Variants in LRP6 observed in about 807,000 individuals in gnomAD.
LRP6 encodes LDL receptor related protein 6.
LRP6 carries 43 observed loss-of-function variants against 184.1 expected under a neutral mutation model. The ratio of observed to expected loss-of-function variants is 0.23; its 90% CI spans 0.18 to 0.30. The LOEUF is 0.30. Among genes scored for constraint, LRP6 ranks in the 10% least tolerant of loss-of-function variants. LRP6 has a pLI of 1.00. For missense variants in LRP6, 1,571 were observed against 2,005.3 expected, an observed-to-expected ratio of 0.78 and a Z score of 4.14; for synonymous variants, 719 against 684.9, an observed-to-expected ratio of 1.05 and a Z score of -0.78.
chr12:12,199,236 A>G (rs1336171507), intron 3 of LRP6, among the ~76,000 whole-genome samples: 1 of 152,218 alleles, frequency 6.6e-6, no homozygotes, highest in Non-Finnish European at 1.5e-5. Flanking sequence ...GCATGAACAC[A>G]TATTATAAAA....
At chr12:12,141,172 T>C (rs930057957) in intron 15 of LRP6, among the ~76,000 whole-genome samples, 1 of 138,256 alleles carries the variant, frequency 7.2e-6, no homozygotes, top group Non-Finnish European at 1.5e-5. Context: ...AAGGGAATGA[T>C]GAGAAAGGGG....
rs542659386 is a variant in LRP6, at chr12:12,177,089, ACCC to A, written c.1545+2718_1545+2720del. On this transcript the variant is annotated intron_variant, in intron 7 of 22. Coordinates refer to ENST00000261349, the MANE Select transcript of LRP6 (RefSeq NM_002336.3). ...TCTCGAACTCCTGACCTCATGATCC[ACCC>A]ACCTCGGCCTCCCAAAGTACTGGGA... is the stretch of plus-strand genomic sequence containing the variant. Among the ~76,000 whole-genome samples the A allele has an allele frequency of 3.9e-4, 59 of 151,982 alleles. No homozygotes were observed. The East Asian group carries it at 8.1e-3, about 21-fold the overall frequency.
At chr12:12,204,792 C>A (rs1275212282) in intron 2 of LRP6, among the ~76,000 whole-genome samples, 1 of 143,884 alleles carries the variant, frequency 7.0e-6, no homozygotes, top group Admixed American at 7.0e-5. Flanking sequence ...CCCATCTCTA[C>A]TAAAAATACA....
At chr12:12,122,757 G>A (rs575363422) in intron 22 of LRP6, among the ~76,000 whole-genome samples, 17 of 152,198 alleles carry the variant, frequency 1.1e-4, no homozygotes, top group African/African-American at 3.6e-4. Flanking sequence ...GCTTGAGCCC[G>A]GGAGGTGGAG....
rs909410399 is a variant in LRP6 at position 12,159,094 on chromosome 12, T to A, written c.2526A>T (p.Gln842His). The A allele has an allele frequency of 6.2e-7, 1 of 1,614,176 alleles. No individual in the cohort carries two copies. The change falls in exon 12 of 23, where the codon CAA (glutamine) becomes CAT (histidine). Residue 842 changes from glutamine (Q) to histidine (H), a missense_variant. By Grantham distance (24) the Gln-to-His change is conservative. Transcript: ENST00000261349. ...TCCAGTCCGTCCAGTAGATATAATC[T>A]TGGTACTGAGTTAAGCCAAAAGGAT... ...LPHPFGLTQY[Q>H]DYIYWTDWSR... is the part of the protein sequence containing the mutation.
chr12:12,151,478 GAAAA>G (rs200629196), intron 12 of LRP6, among the ~76,000 whole-genome samples: 4 of 94,550 alleles, frequency 4.2e-5, no homozygotes, highest in African/African-American at 1.6e-4. Flanking sequence ...CCCATCTAAG[GAAAA>G]AAAAAAAAAA....
At chr12:12,153,746 C>T (rs1490102255) in intron 12 of LRP6, among the ~76,000 whole-genome samples, 1 of 152,178 alleles carries the variant, frequency 6.6e-6, no homozygotes, top group Non-Finnish European at 1.5e-5. Flanking sequence ...GGTGCTTTAA[C>T]AACGACCTCA....
intron 3 of LRP6, among the ~76,000 whole-genome samples, chr12:12,192,496 A>G (rs1863643913): frequency 6.6e-6 from 1 of 152,018 alleles, no homozygotes; most frequent in Non-Finnish European, 1.5e-5. Flanking sequence ...TGAATAAAGC[A>G]AAGGTTACAC....
At chr12:12,147,270 A>C (rs1950021807) in intron 15 of LRP6, 96 bp downstream of exon 15, 1 of 1,406,362 alleles carries the variant, frequency 7.1e-7, no homozygotes, top group African/African-American at 1.4e-5. Flanking sequence ...AAAACTGCCA[A>C]GAAATGTGCC....
intron 2 of LRP6, among the ~76,000 whole-genome samples, chr12:12,229,378 AAAAAAAAAAGAAG>A (rs889487259): frequency 1.3e-4 from 17 of 130,178 alleles, no homozygotes; most frequent in African/African-American, 4.4e-4. Flanking sequence ...TTCAAAAAAA[AAAAAAAAAAGAAG>A]AAGAAGAAGA....
At chr12:12,165,321 G>A in intron 7 of LRP6, 26 bp from the exon 8 acceptor site, 1 of 1,489,038 alleles carries the variant, frequency 6.7e-7, no homozygotes, top group Non-Finnish European at 9.4e-7. Flanking sequence ...CAAAAGAGAA[G>A]GGGATGAATT....
intron 9 of LRP6, 29 bp from the exon 10 acceptor site, chr12:12,162,448 T>A (rs769958149): frequency 6.4e-7 from 1 of 1,564,246 alleles, no homozygotes; most frequent in South Asian, 1.1e-5. Flanking sequence ...AACTAAGTCA[T>A]ATGGCATAAG....
chr12:12,142,959 C>T (rs1949954970), intron 15 of LRP6, among the ~76,000 whole-genome samples: 1 of 151,852 alleles, frequency 6.6e-6, no homozygotes, highest in South Asian at 2.1e-4. Flanking sequence ...ACTGGGGGAC[C>T]CCAGCCAGTA....
At chr12:12,145,426 G>C (rs1949990781) in intron 15 of LRP6, among the ~76,000 whole-genome samples, 1 of 151,900 alleles carries the variant, frequency 6.6e-6, no homozygotes, top group Non-Finnish European at 1.5e-5. Flanking sequence ...ATTTTAGTAT[G>C]CTAATGCTCC....
chr12:12,221,564 T>C (rs748425933), intron 2 of LRP6, among the ~76,000 whole-genome samples: 1 of 152,202 alleles, frequency 6.6e-6, no homozygotes, highest in Non-Finnish European at 1.5e-5. Context: ...ATATCCATTA[T>C]GTGGGTTCTT....
At chr12:12,227,362 G>A (rs192921149) in intron 2 of LRP6, among the ~76,000 whole-genome samples, 84 of 151,196 alleles carry the variant, frequency 5.6e-4, no homozygotes, top group African/African-American at 1.8e-3. Context: ...AGAAAGTAAC[G>A]GCATTAGAGA....
In LRP6 at chr12:12,121,682, T is replaced by C. The variant is rs138895451; in HGVS notation, c.4548-262A>G. On this transcript the variant is annotated intron_variant, in intron 22 of 22. Coordinates refer to ENST00000261349, the MANE Select transcript of LRP6 (RefSeq NM_002336.3). ...GAGGTGAATTCAATCTAGCCTCTGG[T>C]TGTGCTCTTACATCTTCAAGTTAAA... Among the ~76,000 whole-genome samples the C allele has an allele frequency of 2.6e-5, 4 of 152,280 alleles. 1 individual carries two copies. The highest frequency in any genetic ancestry group is 9.6e-5 in the African/African-American group (4 of 41,550).
At chr12:12,186,409 C>T (rs1033156406) in intron 4 of LRP6, among the ~76,000 whole-genome samples, 1 of 151,880 alleles carries the variant, frequency 6.6e-6, no homozygotes, top group African/African-American at 2.4e-5. Flanking sequence ...AGCAAAGTCT[C>T]GCTCTGTTGC....
chr12:12,153,030 T>C (rs1235847082), intron 12 of LRP6, among the ~76,000 whole-genome samples: 3 of 152,244 alleles, frequency 2.0e-5, no homozygotes, highest in Non-Finnish European at 2.9e-5. Flanking sequence ...ATCATACTAA[T>C]ACATTGATTT....
Sources: allele counts gnomAD v4.1 joint callset (sites outside exome capture counted in the v4.1 genomes callset), GRCh38; gene constraint gnomAD v4.1.1; transcripts MANE v1.5; gene names NCBI Gene and HGNC (gene_info 2026-07-23, HGNC 2026-07-21).